SLC9A9: variants seen among roughly 807,000 people sequenced by gnomAD.
SLC9A9 encodes sodium/hydrogen exchanger 9.
In SLC9A9, 62 loss-of-function variants were observed where a neutral mutation model predicts 77.8. That is an observed-to-expected ratio of 0.80 (90% CI 0.65 to 0.98). SLC9A9 has a LOEUF of 0.98. SLC9A9 is among the 50% of genes least tolerant of loss of function. The pLI is 0.00. For missense variants in SLC9A9, 775 were observed against 774.9 expected (o/e 1.00, Z 0.00); for synonymous variants, 320 against 283.5 (o/e 1.13, Z -1.29).
At chr3:143,486,232 AT>A (rs1163310120) in intron 11 of SLC9A9, among the ~76,000 whole-genome samples, 1 of 152,178 alleles carries the variant, frequency 6.6e-6, no homozygotes, top group African/African-American at 2.4e-5. Context: ...TGAGGGAGAA[AT>A]TAAGGCATTC....
intron 12 of SLC9A9, among the ~76,000 whole-genome samples, chr3:143,439,281 T>A (rs1300932845): frequency 6.6e-6 from 1 of 152,194 alleles, no homozygotes; most frequent in African/African-American, 2.4e-5. Flanking sequence ...ATAACTTGCC[T>A]GAAGTCACAC....
At chr3:143,766,393 TA>T (rs1157513065) in intron 4 of SLC9A9, among the ~76,000 whole-genome samples, 1 of 152,214 alleles carries the variant, frequency 6.6e-6, no homozygotes, top group East Asian at 1.9e-4. Context: ...CATACTTAGC[TA>T]ATATGTATGA....
intron 1 of SLC9A9, among the ~76,000 whole-genome samples, chr3:143,832,596 C>A (rs1333322609): frequency 6.6e-6 from 1 of 152,098 alleles, no homozygotes; most frequent in Non-Finnish European, 1.5e-5. Flanking sequence ...TGTTTCTGGT[C>A]CACAGATTAG....
At chr3:143,345,110 A>G (rs547607907) in intron 14 of SLC9A9, among the ~76,000 whole-genome samples, 1 of 152,220 alleles carries the variant, frequency 6.6e-6, no homozygotes, top group Non-Finnish European at 1.5e-5. Context: ...TTTTGGATAT[A>G]ATGACTGTGT....
intron 4 of SLC9A9, among the ~76,000 whole-genome samples, chr3:143,783,344 C>T (rs571912788): frequency 1.3e-5 from 2 of 152,194 alleles, no homozygotes; most frequent in East Asian, 1.9e-4. Context: ...TGCCCTCCCC[C>T]TTGCCTTCCC....
intron 9 of SLC9A9, among the ~76,000 whole-genome samples, chr3:143,500,796 A>G (rs968995434): frequency 9.1e-5 from 13 of 142,906 alleles, no homozygotes; most frequent in Admixed American, 8.8e-4. Context: ...ATAAAATACC[A>G]TAAATACCAC....
chr3:143,703,942 G>T (rs1259394942), intron 4 of SLC9A9, among the ~76,000 whole-genome samples: 2 of 152,164 alleles, frequency 1.3e-5, no homozygotes, highest in East Asian at 3.9e-4. Context: ...CAACTATATG[G>T]CAATAAATTG....
chr3:143,562,877 CAA>C (rs1237076642), intron 8 of SLC9A9, among the ~76,000 whole-genome samples: 4 of 151,528 alleles, frequency 2.6e-5, no homozygotes, highest in African/African-American at 4.9e-5. Context: ...GGGTCATGCT[CAA>C]AAATATCTAG....
At chr3:143,735,609 G>A (rs1242732915) in intron 4 of SLC9A9, among the ~76,000 whole-genome samples, 1 of 152,200 alleles carries the variant, frequency 6.6e-6, no homozygotes, top group Non-Finnish European at 1.5e-5. Flanking sequence ...ATAAAAGCTA[G>A]AAGGAAAATA....
At chr3:143,556,586 T>C (rs892192503) in intron 8 of SLC9A9, among the ~76,000 whole-genome samples, 9 of 152,320 alleles carry the variant, frequency 5.9e-5, no homozygotes, top group African/African-American at 1.9e-4. Context: ...CTTAGGAGCT[T>C]CTAGATTCAT....
At chr3:143,355,375 C>G (rs1311623158) in intron 14 of SLC9A9, among the ~76,000 whole-genome samples, 3 of 152,126 alleles carry the variant, frequency 2.0e-5, no homozygotes, top group Admixed American at 6.5e-5. Flanking sequence ...ATGTAATGAG[C>G]ACTGTTCTAA....
At chr3:143,514,521 T>C (rs927300521) in intron 9 of SLC9A9, among the ~76,000 whole-genome samples, 1 of 152,248 alleles carries the variant, frequency 6.6e-6, no homozygotes, top group Non-Finnish European at 1.5e-5. Context: ...AGAGGCTGTT[T>C]TATTTACACT....
At chr3:143,757,257 C>G (rs1327653602) in intron 4 of SLC9A9, among the ~76,000 whole-genome samples, 1 of 152,086 alleles carries the variant, frequency 6.6e-6, no homozygotes, top group Non-Finnish European at 1.5e-5. Context: ...ATTCAAATGC[C>G]TTCAAGTTCC....
At chr3:143,550,733 A>G (rs186515085) in intron 9 of SLC9A9, among the ~76,000 whole-genome samples, 1 of 152,308 alleles carries the variant, frequency 6.6e-6, no homozygotes, top group African/African-American at 2.4e-5. Context: ...TGATCAATAA[A>G]TGATTATTGT....
chr3:143,298,405 A>C (rs758073102), intron 14 of SLC9A9, among the ~76,000 whole-genome samples: 5 of 152,202 alleles, frequency 3.3e-5, no homozygotes, highest in Non-Finnish European at 7.3e-5. Context: ...GCCTTGATGC[A>C]TTTAGTGGCA....
intron 5 of SLC9A9, among the ~76,000 whole-genome samples, chr3:143,652,778 T>TACACACACACAC (rs369670861): frequency 0.052 from 4,254 of 82,364 alleles, 67 homozygotes; most frequent in Non-Finnish European, 0.067. Flanking sequence ...ATTCCTTAAA[T>TACACACACACAC]ACACACACAC....
intron 12 of SLC9A9, among the ~76,000 whole-genome samples, chr3:143,431,715 T>C (rs2108536584): frequency 6.6e-6 from 1 of 152,234 alleles, no homozygotes; most frequent in African/African-American, 2.4e-5. Context: ...TCTCCCGACC[T>C]CGTGACCCAA....
intron 14 of SLC9A9, among the ~76,000 whole-genome samples, chr3:143,294,873 A>C (rs2030180192): frequency 6.6e-6 from 1 of 152,244 alleles, no homozygotes; most frequent in Non-Finnish European, 1.5e-5. Context: ...ATTATGTGTA[A>C]AATAACATTA....
chr3:143,457,811 CTG>C (rs1347777820), intron 12 of SLC9A9, among the ~76,000 whole-genome samples: 1 of 152,102 alleles, frequency 6.6e-6, no homozygotes, highest in African/African-American at 2.4e-5. Flanking sequence ...AGAACAAACA[CTG>C]TATGTTATCA....
Sources: gnomAD v4.1 joint callset for allele counts (sites outside exome capture counted in the v4.1 genomes callset) on GRCh38, gnomAD v4.1.1 for gene constraint, MANE v1.5 for transcripts, NCBI Gene and HGNC (gene_info 2026-07-23, HGNC 2026-07-21) for gene names.